KAT2B: variants seen among roughly 807,000 people sequenced by gnomAD.
The protein encoded by KAT2B is lysine acetyltransferase 2B, also known as histone acetyltransferase KAT2B.
KAT2B carries 36 observed loss-of-function variants against 105.9 expected under a neutral mutation model. That is an observed-to-expected ratio of 0.34 (90% CI 0.26 to 0.45). KAT2B has a LOEUF of 0.45. KAT2B is among the 20% of genes least tolerant of loss of function. KAT2B has a pLI of 1.00. For synonymous variants in KAT2B, 397 were observed against 377.9 expected (o/e 1.05, Z -0.59); for missense variants, 820 against 1,021.6 (o/e 0.80, Z 2.69).
intron 6 of KAT2B, 96 bp from the exon 7 acceptor site, chr3:20,114,786 G>T: frequency 1.5e-6 from 1 of 664,612 alleles, no homozygotes; most frequent in South Asian, 1.9e-5. Flanking sequence ...TTGAAGGTTT[G>T]AGACGCTGAT....
chr3:20,118,752 G>A (rs867240709), intron 7 of KAT2B, among the ~76,000 whole-genome samples: 6 of 135,996 alleles, frequency 4.4e-5, no homozygotes, highest in Admixed American at 7.4e-5. Context: ...AAAAAAGAGA[G>A]AGAGCGAACT....
intron 5 of KAT2B, among the ~76,000 whole-genome samples, chr3:20,110,672 C>CAAAAAAAAAAAAAAA (rs55653348): frequency 1.4e-5 from 1 of 69,470 alleles, no homozygotes; most frequent in Non-Finnish European, 2.7e-5. Context: ...GACCCTGTCT[C>CAAAAAAAAAAAAAAA]AAAAAAAAAA....
chr3:20,052,875 C>T (rs959757323), intron 1 of KAT2B, among the ~76,000 whole-genome samples: 7 of 152,108 alleles, frequency 4.6e-5, no homozygotes, highest in Non-Finnish European at 1.0e-4. Flanking sequence ...ATTCGGGAGG[C>T]TGAGGCAGGA....
chr3:20,087,274 A>G (rs1041086957), intron 2 of KAT2B, among the ~76,000 whole-genome samples: 20 of 152,230 alleles, frequency 1.3e-4, no homozygotes, highest in African/African-American at 4.8e-4. Flanking sequence ...TGATCTGATC[A>G]CTGTATATTA....
intron 8 of KAT2B, 51 bp from the exon 9 acceptor site, chr3:20,122,617 G>A: frequency 6.9e-7 from 1 of 1,454,284 alleles, no homozygotes. Flanking sequence ...TGTATTATTT[G>A]TTTTGTGTTT....
intron 10 of KAT2B, 92 bp from the exon 11 acceptor site, chr3:20,127,331 C>T (rs1699423901): frequency 4.6e-6 from 5 of 1,094,106 alleles, no homozygotes; most frequent in South Asian, 2.9e-5. Context: ...AGGACATGTC[C>T]CTCTTTCTTA....
chr3:20,060,616 AACAC>A (rs35394514), intron 1 of KAT2B, among the ~76,000 whole-genome samples: 35,790 of 151,452 alleles, frequency 0.24, 5,139 homozygotes, highest in Non-Finnish European at 0.33. Context: ...CAAACAAACA[AACAC>A]ACAAACAACA....
At chr3:20,071,184 T>TA (rs567007581) in intron 1 of KAT2B, among the ~76,000 whole-genome samples, 55 of 152,350 alleles carry the variant, frequency 3.6e-4, no homozygotes, top group Admixed American at 1.5e-3. Context: ...GCTAGTCTTC[T>TA]AAATCTGTAT....
At chr3:20,106,993 A>T (rs1284288524) in intron 5 of KAT2B, among the ~76,000 whole-genome samples, 3 of 18,354 alleles carry the variant, frequency 1.6e-4, no homozygotes, top group Admixed American at 1.1e-3. Context: ...ATATATATAT[A>T]TATATATATA....
At chr3:20,132,808 G>A (rs906281146) in intron 11 of KAT2B, among the ~76,000 whole-genome samples, 7 of 152,186 alleles carry the variant, frequency 4.6e-5, no homozygotes, top group African/African-American at 1.7e-4. Context: ...AACCATTGTT[G>A]TTCTTGAGTA....
chr3:20,073,734 C>A (rs1434745773), intron 2 of KAT2B, among the ~76,000 whole-genome samples: 1 of 131,510 alleles, frequency 7.6e-6, no homozygotes, highest in South Asian at 2.6e-4. Context: ...ATAAATAAAA[C>A]AGAACGAAAC....
At chr3:20,040,831 G>A in intron 1 of KAT2B, 51 bp downstream of exon 1, 1 of 1,519,420 alleles carries the variant, frequency 6.6e-7, no homozygotes, top group Non-Finnish European at 8.8e-7. Flanking sequence ...GGCCCAGCCC[G>A]CGGGACCCCC....
At chr3:20,123,163 T>G (rs1276514233) in intron 9 of KAT2B, among the ~76,000 whole-genome samples, 1 of 152,182 alleles carries the variant, frequency 6.6e-6, no homozygotes, top group Non-Finnish European at 1.5e-5. Context: ...TTGCTACCTC[T>G]CTTTCTCTCT....
chr3:20,123,603 A>T (rs1243841198), intron 9 of KAT2B, among the ~76,000 whole-genome samples: 1 of 152,214 alleles, frequency 6.6e-6, no homozygotes, highest in African/African-American at 2.4e-5. Flanking sequence ...ACCGTATTTA[A>T]ATTTCCCATA....
At chr3:20,137,250 A>G (rs888785694) in intron 12 of KAT2B, among the ~76,000 whole-genome samples, 198 bp downstream of exon 12, 2 of 152,210 alleles carry the variant, frequency 1.3e-5, no homozygotes, top group African/African-American at 4.8e-5. Flanking sequence ...TTGAATAACT[A>G]TTTGTTGAGA....
intron 13 of KAT2B, among the ~76,000 whole-genome samples, chr3:20,144,388 G>A (rs140163286): frequency 0.02 from 2,797 of 141,958 alleles, 96 homozygotes; most frequent in African/African-American, 0.069. Context: ...TCCTGGGTTC[G>A]CACCATTCTC....
chr3:20,055,517 C>T (rs9877207), intron 1 of KAT2B, among the ~76,000 whole-genome samples: 2,229 of 152,108 alleles, frequency 0.015, 58 homozygotes, highest in African/African-American at 0.051. Flanking sequence ...GGACACGGAC[C>T]GAGGCCTGCA....
chr3:20,132,660 A>G (rs1475912261), intron 11 of KAT2B, among the ~76,000 whole-genome samples: 4 of 152,240 alleles, frequency 2.6e-5, no homozygotes, highest in African/African-American at 7.2e-5. Flanking sequence ...AGCTAGATAC[A>G]GAGGAAGTTC....
At chr3:20,058,001 G>A (rs1239438508) in intron 1 of KAT2B, among the ~76,000 whole-genome samples, 2 of 152,214 alleles carry the variant, frequency 1.3e-5, no homozygotes, top group Non-Finnish European at 2.9e-5. Context: ...GGAGAGCATA[G>A]ATGAGAAGAA....
Sources: allele counts gnomAD v4.1 joint callset (sites outside exome capture counted in the v4.1 genomes callset), GRCh38; gene constraint gnomAD v4.1.1; transcripts MANE v1.5; gene names NCBI Gene and HGNC (gene_info 2026-07-23, HGNC 2026-07-21).